Variants in CFAP54 observed in about 807,000 individuals in gnomAD.
CFAP54 encodes cilia- and flagella-associated protein 54.
In CFAP54, 290 loss-of-function variants were observed where a neutral mutation model predicts 370.4. The ratio of observed to expected loss-of-function variants is 0.78; its 90% confidence interval spans 0.71 to 0.86. CFAP54 has a LOEUF of 0.86. Among genes scored for constraint, CFAP54 ranks in the 40% least tolerant of loss-of-function variants. CFAP54 has a pLI of 0.00. For missense variants in CFAP54, 3,399 were observed against 3,528.7 expected, an observed-to-expected ratio of 0.96 and a Z score of 0.93; for synonymous variants, 1,206 against 1,236.5, an observed-to-expected ratio of 0.98 and a Z score of 0.52.
intron 66 of CFAP54, among the ~76,000 whole-genome samples, chr12:96,844,781 C>CT (rs749646285): frequency 6.6e-6 from 1 of 152,188 alleles, no homozygotes; most frequent in Non-Finnish European, 1.5e-5. Flanking sequence ...CAACTATACT[C>CT]TAAGCTCCTT....
Position 96,708,352 on chromosome 12 carries a change from A to T in CFAP54, c.6529-256A>T, listed in dbSNP as rs534137491. Reference sequence around the variant, plus strand: ...ATCCTTCACTCTGAGCACCAGGTTTACTCTGCCACGATGGCAGAGCTGGCC... The same window carrying T: ...ATCCTTCACTCTGAGCACCAGGTTTTCTCTGCCACGATGGCAGAGCTGGCC... On this transcript the variant is annotated intron_variant, in intron 47 of 67. Coordinates refer to ENST00000524981, the MANE Select transcript of CFAP54 (RefSeq NM_001306084.2). Among the ~76,000 whole-genome samples, 14 of 152,144 alleles carry T rather than the reference A, an allele frequency of 9.2e-5. No homozygotes were observed. In the South Asian group the frequency reaches 2.1e-3, roughly 23 times the overall value.
intron 39 of CFAP54, among the ~76,000 whole-genome samples, chr12:96,671,302 T>C (rs1290487366): frequency 3.3e-5 from 5 of 152,220 alleles, no homozygotes; most frequent in African/African-American, 1.2e-4. Context: ...GAACCCTGCC[T>C]GCTTCCTCCC....
chr12:96,797,421 G>T (rs1157422523), intron 63 of CFAP54, among the ~76,000 whole-genome samples: 1 of 151,986 alleles, frequency 6.6e-6, no homozygotes, highest in Non-Finnish European at 1.5e-5. Context: ...ACTAAGAGAA[G>T]TATGTTTAAA....
intron 67 of CFAP54, among the ~76,000 whole-genome samples, chr12:96,872,352 A>G (rs1157499878): frequency 6.6e-6 from 1 of 152,188 alleles, no homozygotes; most frequent in Admixed American, 6.5e-5. Flanking sequence ...ACATTTAACC[A>G]TATTATTAAC....
intron 30 of CFAP54, 58 bp from the exon 31 acceptor site, chr12:96,630,035 T>G: frequency 1.4e-6 from 1 of 730,248 alleles, no homozygotes; most frequent in Middle Eastern, 2.7e-4. Context: ...CATATTACTT[T>G]GGGGTAGTTC....
chr12:96,830,180 C>T (rs751635887), intron 66 of CFAP54, among the ~76,000 whole-genome samples: 16 of 152,068 alleles, frequency 1.1e-4, no homozygotes, highest in African/African-American at 1.4e-4. Context: ...TTGCTATGAA[C>T]GTTAGTGTAC....
chr12:96,564,036 C>T (rs951159136), intron 17 of CFAP54, among the ~76,000 whole-genome samples: 24 of 152,136 alleles, frequency 1.6e-4, no homozygotes, highest in African/African-American at 5.1e-4. Context: ...TGGAGGTCTT[C>T]GTGTGTTACC....
chr12:96,507,595 A>C (rs1357713868), intron 4 of CFAP54, among the ~76,000 whole-genome samples: 2 of 151,954 alleles, frequency 1.3e-5, no homozygotes, highest in South Asian at 2.1e-4. Flanking sequence ...TGTATGTCTG[A>C]AGAAATGACT....
chr12:96,648,101 C>T (rs1207081961), intron 34 of CFAP54, 84 bp downstream of exon 34: 2 of 1,030,226 alleles, frequency 1.9e-6, no homozygotes, highest in Non-Finnish European at 2.6e-6. Flanking sequence ...ACATTGTGGA[C>T]ACACAAATGT....
At chr12:96,511,703 C>T (rs1274848941) in intron 4 of CFAP54, among the ~76,000 whole-genome samples, 1 of 152,198 alleles carries the variant, frequency 6.6e-6, no homozygotes, top group Non-Finnish European at 1.5e-5. Flanking sequence ...AGGCTGGTCT[C>T]GAATTCCTGA....
chr12:96,640,359 A>G (rs1243819870), intron 32 of CFAP54, among the ~76,000 whole-genome samples: 1 of 152,248 alleles, frequency 6.6e-6, no homozygotes, highest in Non-Finnish European at 1.5e-5. Flanking sequence ...CTAGGAATCC[A>G]ACTTACAAGT....
intron 31 of CFAP54, 22 bp from the exon 32 acceptor site, chr12:96,630,529 A>G: frequency 8.0e-7 from 1 of 1,255,516 alleles, no homozygotes; most frequent in Non-Finnish European, 1.1e-6. Flanking sequence ...TTAACTTGTA[A>G]CATTTTATCT....
chr12:96,701,898 A>T (rs1384213432), intron 46 of CFAP54, among the ~76,000 whole-genome samples: 1 of 152,134 alleles, frequency 6.6e-6, no homozygotes, highest in Non-Finnish European at 1.5e-5. Context: ...AAGTGACGTG[A>T]TAGGAATTAA....
At chr12:96,530,676 C>T (rs1425030823) in intron 9 of CFAP54, among the ~76,000 whole-genome samples, 1 of 152,138 alleles carries the variant, frequency 6.6e-6, no homozygotes, top group East Asian at 1.9e-4. Context: ...GTTTTCATTT[C>T]TCTGGAATAA....
At chr12:96,559,845 A>G (rs751150260) in intron 17 of CFAP54, among the ~76,000 whole-genome samples, 9 of 152,120 alleles carry the variant, frequency 5.9e-5, no homozygotes, top group Admixed American at 2.6e-4. Flanking sequence ...TATTGATTAT[A>G]TAGTCAATTA....
At chr12:96,505,953 C>T (rs1001811266) in intron 3 of CFAP54, among the ~76,000 whole-genome samples, 5 of 152,076 alleles carry the variant, frequency 3.3e-5, no homozygotes, top group African/African-American at 1.2e-4. Context: ...TAGAGGTGCT[C>T]AAGAAACATT....
Position 96,538,551 on chromosome 12 carries a change from T to C in CFAP54, c.1926+33T>C, listed in dbSNP as rs1389240035. ...TTTCGCATTCCCTTTCACGTGTTTT[T>C]TTTGCTATTGCTTATTCAAGTTGCC... On this transcript the variant is annotated intron_variant, in intron 13 of 67. Transcript: ENST00000524981. 3.3e-6 allele frequency: 5 copies of C among 1,529,948 alleles called. No individual in the cohort carries two copies. The Admixed American group carries it at 9.9e-5, about 30-fold the overall frequency. 94.8% of individuals were successfully genotyped at this position (1,529,948 alleles called of 1,614,324 possible).
chr12:96,519,381 G>A (rs1286766098), intron 6 of CFAP54, among the ~76,000 whole-genome samples: 33 of 152,266 alleles, frequency 2.2e-4, no homozygotes, highest in Middle Eastern at 3.4e-3. Flanking sequence ...TTACAGGCGT[G>A]AGCCACTGTG....
intron 55 of CFAP54, among the ~76,000 whole-genome samples, chr12:96,746,874 C>G (rs1958120059): frequency 6.6e-6 from 1 of 152,212 alleles, no homozygotes; most frequent in Non-Finnish European, 1.5e-5. Context: ...CCCACACATG[C>G]AAATACATTT....
Sources: gnomAD v4.1 joint callset for allele counts (sites outside exome capture counted in the v4.1 genomes callset) on GRCh38, gnomAD v4.1.1 for gene constraint, MANE v1.5 for transcripts, NCBI Gene and HGNC (gene_info 2026-07-23, HGNC 2026-07-21) for gene names.